The following GYG1 variants were observed in gnomAD, a reference collection of about 807,000 sequenced individuals.
The protein encoded by GYG1 is glycogenin-1.
GYG1 carries 44 observed loss-of-function variants against 41.9 expected under a neutral mutation model. The ratio of observed to expected loss-of-function variants is 1.05; its 90% CI spans 0.83 to 1.35. The LOEUF is 1.35. GYG1 is among the 40% of genes most tolerant of loss of function. The pLI is 0.00. For synonymous variants in GYG1, 141 were observed against 158.1 expected (o/e 0.89, Z 0.81); for missense variants, 429 against 418.9 (o/e 1.02, Z -0.21).
chr3:149,007,219 A>G (rs1713453396), intron 4 of GYG1, among the ~76,000 whole-genome samples: 1 of 152,360 alleles, frequency 6.6e-6, no homozygotes, highest in South Asian at 2.1e-4. Context: ...GCATGAGGGC[A>G]GAGCCCTCAT....
chr3:149,007,153 G>T (rs1161962295), intron 4 of GYG1, among the ~76,000 whole-genome samples: 1 of 152,164 alleles, frequency 6.6e-6, no homozygotes, highest in South Asian at 2.1e-4. Flanking sequence ...TGCTGCATGT[G>T]GCAGAAGAGG....
intron 5 of GYG1, among the ~76,000 whole-genome samples, chr3:149,017,770 GTTTTT>G (rs559013912): frequency 1.3e-4 from 17 of 132,098 alleles, no homozygotes; most frequent in African/African-American, 3.3e-4. Flanking sequence ...TGCCCAGCTA[GTTTTT>G]TTTTTTTTTT....
chr3:148,993,271 CTAAG>C (rs1712590296), intron 1 of GYG1, among the ~76,000 whole-genome samples: 1 of 125,670 alleles, frequency 8.0e-6, no homozygotes, highest in South Asian at 2.4e-4. Flanking sequence ...CTTCTGGCAA[CTAAG>C]TGATTATTGG....
Position 148,994,238 on chromosome 3 carries a change from T to C in GYG1, c.104T>C (p.Leu35Pro). 6.2e-7 allele frequency: 1 copy of C among 1,614,130 alleles called. No individual in the cohort carries two copies. Among genetic ancestry groups the C allele is most frequent in the Non-Finnish European group, 8.5e-7 (1 of 1,180,004 alleles). Residue 35 changes from leucine to proline, a missense_variant, in exon 2 of 8, where the codon CTG becomes CCG. By Grantham distance (98) the Leu-to-Pro change is moderately conservative. Coordinates refer to ENST00000345003, the MANE Select transcript of GYG1 (RefSeq NM_004130.4). ...AAACAGCACAGGACCACCAGGAGGC[T>C]GGTCGTGCTCGCCACCCCTCAGGTC... is the stretch of plus-strand genomic sequence containing the variant. ...SLKQHRTTRR[L>P]VVLATPQVSD... is the part of the protein sequence containing the mutation.
chr3:149,022,371 C>T (rs1714415364), intron 5 of GYG1, among the ~76,000 whole-genome samples: 2 of 152,004 alleles, frequency 1.3e-5, no homozygotes, highest in Admixed American at 1.3e-4. Flanking sequence ...ACAACCAGTG[C>T]CTTAGAACCT....
chr3:148,995,540 A>T (rs1304219149), intron 2 of GYG1, among the ~76,000 whole-genome samples: 1 of 152,154 alleles, frequency 6.6e-6, no homozygotes, highest in Non-Finnish European at 1.5e-5. Flanking sequence ...GTCTATTAGG[A>T]TATGTCTAAG....
intron 4 of GYG1, among the ~76,000 whole-genome samples, chr3:149,006,697 T>C (rs945545074): frequency 6.6e-5 from 10 of 152,210 alleles, no homozygotes; most frequent in African/African-American, 2.4e-4. Flanking sequence ...GCTGTGAACA[T>C]TTCCTTAGCC....
At chr3:149,025,508 C>T (rs1714605269) in intron 6 of GYG1, among the ~76,000 whole-genome samples, 1 of 152,144 alleles carries the variant, frequency 6.6e-6, no homozygotes, top group African/African-American at 2.4e-5. Flanking sequence ...TACTTGAAAC[C>T]ACCTGGCACA....
Position 149,027,126 on chromosome 3 carries a change from A to G in GYG1, c.*193A>G. The stretch of plus-strand genomic sequence containing the variant: ...GTGAAGCAGCAATTCTGTTATATGG[A>G]CAGTGTTCTGCTTTTTAATCCTATT... On this transcript the variant is annotated 3_prime_UTR_variant, in exon 8 of 8. Coordinates refer to ENST00000345003, the MANE Select transcript of GYG1 (RefSeq NM_004130.4). The G allele has an allele frequency of 1.7e-6, 1 of 604,390 alleles. No homozygotes were observed. Among genetic ancestry groups the G allele is most frequent in the Non-Finnish European group, 2.9e-6 (1 of 340,184 alleles). 37.4% of individuals were successfully genotyped at this position (604,390 alleles called of 1,614,324 possible). A position where few individuals can be genotyped will look rare whatever the true frequency, so the allele number is the denominator to read the frequency against.
intron 5 of GYG1, among the ~76,000 whole-genome samples, chr3:149,012,605 A>G (rs972994533): frequency 1.3e-5 from 2 of 152,222 alleles, no homozygotes; most frequent in African/African-American, 2.4e-5. Flanking sequence ...TAGCACATCT[A>G]GTGCCTTTCT....
At chr3:148,997,052 TATTG>T in intron 4 of GYG1, 148 bp downstream of exon 4, 6 of 623,292 alleles carry the variant, frequency 9.6e-6, no homozygotes, top group South Asian at 6.6e-5. Flanking sequence ...TTCTGGGAAA[TATTG>T]TGTGTGTGTG....
chr3:149,022,487 TCTTGTTTTGCC>T (rs1714422351), intron 5 of GYG1, among the ~76,000 whole-genome samples: 1 of 136,314 alleles, frequency 7.3e-6, no homozygotes, highest in Non-Finnish European at 1.6e-5. Flanking sequence ...GTACCTTTTT[TCTTGTTTTGCC>T]TTTTTTTTTT....
At chr3:149,022,994 A>G (rs577814164) in intron 5 of GYG1, among the ~76,000 whole-genome samples, 1 of 152,300 alleles carries the variant, frequency 6.6e-6, no homozygotes, top group Admixed American at 6.5e-5. Context: ...ATAAAATCTC[A>G]GTCATATTCA....
rs1714879352 is a variant in GYG1 at position 149,030,144 on chromosome 3, T to C, written c.*3211T>C. 1.3e-5 allele frequency: 2 copies of C among 152,252 alleles called. No homozygotes were observed. The highest frequency in any genetic ancestry group is 2.9e-5 in the Non-Finnish European group (2 of 68,046). The allele number at this position is 152,252 out of a possible 1,614,324, so 9.4% of individuals were successfully genotyped here. On this transcript the variant is annotated 3_prime_UTR_variant, in exon 8 of 8. Coordinates refer to ENST00000345003, the MANE Select transcript of GYG1 (RefSeq NM_004130.4). ...AGGTAATAAACATTTGAAATTTTTA[T>C]TGATTTTTAAATTTAAAATCCAGTT...
chr3:149,009,621 G>T lies in GYG1; in HGVS notation c.608+219G>T, dbSNP rs183245439. 3.5e-3 allele frequency among the ~76,000 whole-genome samples: 536 copies of T among 152,258 alleles called. 5 individuals carry two copies. Among genetic ancestry groups the T allele is most frequent in the African/African-American group, 0.012 (519 of 41,546 alleles). On this transcript the variant is annotated intron_variant, in intron 5 of 7. Coordinates refer to ENST00000345003, the MANE Select transcript of GYG1 (RefSeq NM_004130.4). Reference sequence around the variant, plus strand: ...GGTCCTTAGTTGCCTTTGGGACAAGGTTCCCATCAGTTTCTGGGGTTCATG... The same window carrying T: ...GGTCCTTAGTTGCCTTTGGGACAAGTTTCCCATCAGTTTCTGGGGTTCATG...
intron 5 of GYG1, among the ~76,000 whole-genome samples, chr3:149,023,067 C>T (rs923952906): frequency 7.9e-5 from 12 of 152,152 alleles, no homozygotes; most frequent in African/African-American, 2.9e-4. Context: ...CTGATGATCT[C>T]AGCAGGGTTT....
rs543653583 is a variant in GYG1, at chr3:149,001,810, C to T, written c.481+4906C>T. On this transcript the variant is annotated intron_variant, in intron 4 of 7. Coordinates refer to ENST00000345003, the MANE Select transcript of GYG1 (RefSeq NM_004130.4). ...TGGTGGTGGGTGGTTTTTCCATTCC[C>T]AATTCTCTCATATGGCAGCATTCTT... Among the ~76,000 whole-genome samples, 7 of 152,134 alleles carry T rather than the reference C, an allele frequency of 4.6e-5. No homozygotes were observed. In the East Asian group the frequency reaches 1.4e-3, roughly 29 times the overall value.
intron 4 of GYG1, among the ~76,000 whole-genome samples, chr3:149,005,321 G>A (rs1713327752): frequency 1.3e-5 from 2 of 152,064 alleles, no homozygotes; most frequent in Admixed American, 1.3e-4. Flanking sequence ...GAAAAAGAGG[G>A]GGGAAGGAAC....
At chr3:149,009,154 G>A (rs1452214708) in intron 4 of GYG1, 122 bp from the exon 5 acceptor site, 53 of 685,746 alleles carry the variant, frequency 7.7e-5, no homozygotes, top group South Asian at 5.5e-4. Context: ...GCGAGACTCC[G>A]TCTCAAAAAA....
Sources: gnomAD v4.1 joint callset for allele counts (sites outside exome capture counted in the v4.1 genomes callset) on GRCh38, gnomAD v4.1.1 for gene constraint, MANE v1.5 for transcripts, NCBI Gene and HGNC (gene_info 2026-07-23, HGNC 2026-07-21) for gene names.